GRIN2A: variants seen among roughly 807,000 people sequenced by gnomAD.
The protein encoded by GRIN2A is glutamate receptor ionotropic, NMDA 2A.
In GRIN2A, 22 loss-of-function variants were observed where a neutral mutation model predicts 113.4. That is an observed-to-expected ratio of 0.19 (90% CI 0.14 to 0.28). The LOEUF is 0.28. Among genes scored for constraint, GRIN2A ranks in the 10% least tolerant of loss-of-function variants. GRIN2A has a pLI of 1.00. For synonymous variants in GRIN2A, 827 were observed against 738.4 expected (o/e 1.12, Z -1.94); for missense variants, 1,502 against 1,887.0 (o/e 0.80, Z 3.78).
intron 2 of GRIN2A, among the ~76,000 whole-genome samples, chr16:9,987,165 C>G (rs1023066323): frequency 1.3e-5 from 2 of 152,204 alleles, no homozygotes; most frequent in African/African-American, 4.8e-5. Flanking sequence ...CAGAGCATGT[C>G]TGGTCCCTGC....
chr16:9,906,588 A>G (rs2044032554), intron 3 of GRIN2A, among the ~76,000 whole-genome samples: 1 of 152,192 alleles, frequency 6.6e-6, no homozygotes, highest in South Asian at 2.1e-4. Flanking sequence ...TTTCTGGATT[A>G]AAAAAGTATG....
intron 2 of GRIN2A, among the ~76,000 whole-genome samples, chr16:10,067,610 G>A (rs1027865764): frequency 1.3e-5 from 2 of 152,140 alleles, no homozygotes; most frequent in African/African-American, 4.8e-5. Context: ...AAGACAGGGT[G>A]AGAAAGAGTC....
intron 2 of GRIN2A, among the ~76,000 whole-genome samples, chr16:10,104,843 C>T (rs776740786): frequency 1.2e-4 from 18 of 152,158 alleles, no homozygotes; most frequent in Non-Finnish European, 2.4e-4. Flanking sequence ...GACAGGTTTC[C>T]ATGTCCCTTG....
chr16:9,824,152 G>C (rs988504276), intron 9 of GRIN2A, among the ~76,000 whole-genome samples: 1 of 152,224 alleles, frequency 6.6e-6, no homozygotes, highest in Admixed American at 6.5e-5. Context: ...GTCATAACTG[G>C]ATTTGGGAGA....
intron 2 of GRIN2A, among the ~76,000 whole-genome samples, chr16:10,069,115 C>G (rs1163786639): frequency 6.6e-6 from 1 of 151,966 alleles, no homozygotes; most frequent in Admixed American, 6.6e-5. Flanking sequence ...GAGAAGTGAC[C>G]TGATCCAATT....
intron 2 of GRIN2A, among the ~76,000 whole-genome samples, chr16:9,957,482 T>A (rs183653651): frequency 6.6e-6 from 1 of 152,192 alleles, no homozygotes; most frequent in East Asian, 1.9e-4. Context: ...TGCCTTCCCA[T>A]GTGAAACCCC....
chr16:9,970,995 A>G (rs1439040558), intron 2 of GRIN2A: 3 of 151,900 alleles, frequency 2.0e-5, no homozygotes, highest in Non-Finnish European at 4.4e-5. Context: ...TAGTCATTTG[A>G]GAGGCAAGAC....
intron 10 of GRIN2A, among the ~76,000 whole-genome samples, chr16:9,803,694 T>A (rs2041910608): frequency 6.6e-6 from 1 of 152,154 alleles, no homozygotes; most frequent in African/African-American, 2.4e-5. Context: ...ACTACTGCCA[T>A]CCCCATTGTC....
At position 9,834,378 on chromosome 16, in the gene GRIN2A, A is replaced by T. The variant is rs539025795; in HGVS notation, c.1652-148T>A. 1.8e-5 allele frequency: 13 copies of T among 728,810 alleles called. No individual in the cohort carries two copies. In the South Asian group the frequency reaches 2.1e-4, roughly 12 times the overall value. The allele number at this position is 728,810 out of a possible 1,614,324, so 45.1% of individuals were successfully genotyped here. A position where few individuals can be genotyped will look rare whatever the true frequency, so the allele number is the denominator to read the frequency against. On this transcript the variant is annotated intron_variant, in intron 7 of 12. Transcript: ENST00000330684. ...CTTCAAAAGAAGCTAATCATTTTTTATTTTTATTTTTATTTTTTAGATGTA... is the reference window on the plus strand; with the variant it reads ...CTTCAAAAGAAGCTAATCATTTTTTTTTTTTATTTTTATTTTTTAGATGTA...
chr16:10,052,546 G>T (rs1053332914), intron 2 of GRIN2A, among the ~76,000 whole-genome samples: 1 of 152,226 alleles, frequency 6.6e-6, no homozygotes, highest in Non-Finnish European at 1.5e-5. Flanking sequence ...GCCAGGGAGA[G>T]GGGTGGGCTA....
intron 5 of GRIN2A, among the ~76,000 whole-genome samples, chr16:9,843,151 G>A (rs2042713140): frequency 6.6e-6 from 1 of 151,776 alleles, no homozygotes. Flanking sequence ...AAAGAAGCAA[G>A]CTATTTTGGA....
At chr16:9,904,399 T>C (rs371913254) in intron 3 of GRIN2A, among the ~76,000 whole-genome samples, 1 of 152,050 alleles carries the variant, frequency 6.6e-6, no homozygotes, top group Non-Finnish European at 1.5e-5. Context: ...TGAGACAGAG[T>C]CTTGCTCTGT....
chr16:9,958,457 C>G (rs1382113339), intron 2 of GRIN2A, among the ~76,000 whole-genome samples: 1 of 152,156 alleles, frequency 6.6e-6, no homozygotes, highest in Non-Finnish European at 1.5e-5. Flanking sequence ...TTCAACCCCA[C>G]TTCCATATCT....
At chr16:10,011,041 C>A (rs138526980) in intron 2 of GRIN2A, among the ~76,000 whole-genome samples, 1 of 152,152 alleles carries the variant, frequency 6.6e-6, no homozygotes, top group Non-Finnish European at 1.5e-5. Flanking sequence ...AGTTCCCAGC[C>A]ACCAATGCCA....
chr16:9,966,446 A>T (rs1308137408), intron 2 of GRIN2A, among the ~76,000 whole-genome samples: 2 of 152,172 alleles, frequency 1.3e-5, no homozygotes, highest in Non-Finnish European at 2.9e-5. Flanking sequence ...ACAGGACATG[A>T]TCTCATCCTT....
chr16:10,009,673 T>C (rs566657446), intron 2 of GRIN2A, among the ~76,000 whole-genome samples: 1 of 152,156 alleles, frequency 6.6e-6, no homozygotes, highest in Non-Finnish European at 1.5e-5. Context: ...AGCTCAGTGA[T>C]ATAAGCACAG....
In GRIN2A at chr16:10,044,022, T is replaced by TATAG. The variant is rs531659457; in HGVS notation, c.415-105472_415-105471insCTAT. On this transcript the variant is annotated intron_variant, in intron 2 of 12. Coordinates refer to ENST00000330684, the MANE Select transcript of GRIN2A (RefSeq NM_001134407.3). ...GTGTGTGTGTGTATATATATATATA[T>TATAG]AGAGAGAGAGAGAGAGAGAGAGAGA... Among the ~76,000 whole-genome samples the TATAG allele has an allele frequency of 5.6e-3, 603 of 107,952 alleles. 2 individuals are homozygous for TATAG. Among genetic ancestry groups the TATAG allele is most frequent in the Non-Finnish European group, 7.4e-3 (417 of 56,274 alleles). 70.8% of individuals were successfully genotyped at this position (107,952 alleles called of 152,430 possible).
intron 11 of GRIN2A, among the ~76,000 whole-genome samples, chr16:9,778,546 T>C (rs957273297): frequency 6.6e-6 from 1 of 152,184 alleles, no homozygotes; most frequent in African/African-American, 2.4e-5. Flanking sequence ...AAAAAAAGGA[T>C]AGCAATAACT....
chr16:10,180,539 G>C lies in GRIN2A; in HGVS notation c.-18-110C>G, dbSNP rs1164619595. ...GAGCCAGGCATGGAACTCAGCAGCA[G>C]GATAGGCTGCTGGGATCACGGACTC... On this transcript the variant is annotated intron_variant, in intron 1 of 12. Transcript: ENST00000330684. This position sits in a 1 kb window ranked among gnomAD's most constrained non-coding sequence, Gnocchi z 7.0. 7 of 1,511,222 alleles carry C rather than the reference G, an allele frequency of 4.6e-6. No homozygotes were observed. Among genetic ancestry groups the C allele is most frequent in the Non-Finnish European group, 6.2e-6 (7 of 1,134,010 alleles). 93.6% of individuals were successfully genotyped at this position (1,511,222 alleles called of 1,614,324 possible).
Sources: allele counts gnomAD v4.1 joint callset (sites outside exome capture counted in the v4.1 genomes callset), GRCh38; gene constraint gnomAD v4.1.1; non-coding constraint Gnocchi (gnomAD v3.1); transcripts MANE v1.5; gene names NCBI Gene and HGNC (gene_info 2026-07-23, HGNC 2026-07-21).